The following DPP8 variants were observed in gnomAD, a reference collection of about 807,000 sequenced individuals.
DPP8 encodes dipeptidyl peptidase 8, also known as DPP VIII.
DPP8 carries 31 observed loss-of-function variants against 107.5 expected under a neutral mutation model. That is an observed-to-expected ratio of 0.29 (90% CI 0.22 to 0.39). The LOEUF (loss-of-function observed/expected upper bound fraction) is 0.39. DPP8 is among the 10% of genes least tolerant of loss of function. The pLI, the probability that DPP8 is intolerant of heterozygous loss-of-function variation, is 1.00. For missense variants in DPP8, 842 were observed against 1,076.1 expected (o/e 0.78, Z 3.04); for synonymous variants, 381 against 356.6 (o/e 1.07, Z -0.77).
intron 16 of DPP8, among the ~76,000 whole-genome samples, chr15:65,455,189 G>A (rs2064309151): frequency 6.6e-6 from 1 of 152,162 alleles, no homozygotes; most frequent in Admixed American, 6.5e-5. Context: ...TTGGAGTGCA[G>A]TAGTGTGACC....
At chr15:65,513,514 G>C (rs1382750451) in intron 1 of DPP8, among the ~76,000 whole-genome samples, 1 of 152,146 alleles carries the variant, frequency 6.6e-6, no homozygotes, top group South Asian at 2.1e-4. Flanking sequence ...GCCCAGCGTG[G>C]TGACTCTGTA....
intron 15 of DPP8, among the ~76,000 whole-genome samples, chr15:65,457,459 G>A (rs1244347671): frequency 6.6e-6 from 1 of 151,960 alleles, no homozygotes; most frequent in Admixed American, 6.6e-5. Context: ...CAAATTCCTG[G>A]GCTCAAGTGA....
In DPP8 at chr15:65,496,588, A is replaced by T. The variant is rs548466265; in HGVS notation, c.715+1276T>A. 1.5e-3 allele frequency among the ~76,000 whole-genome samples: 227 copies of T among 152,320 alleles called. 2 individuals carry two copies. Among genetic ancestry groups the T allele is most frequent in the African/African-American group, 5.3e-3 (222 of 41,580 alleles). On this transcript the variant is annotated intron_variant, in intron 5 of 19. Transcript: ENST00000300141. ...TTAATTAAATATTCCCACAATATAC[A>T]TAGTTCTACAAAGTTCTATTTTTTC...
At chr15:65,499,148 A>C (rs1368632272) in intron 4 of DPP8, among the ~76,000 whole-genome samples, 2 of 151,046 alleles carry the variant, frequency 1.3e-5, no homozygotes, top group Non-Finnish European at 2.9e-5. Flanking sequence ...CAAGGGAAAC[A>C]AAAAATTGTC....
intron 5 of DPP8, among the ~76,000 whole-genome samples, chr15:65,490,703 T>C (rs2067943366): frequency 6.6e-6 from 1 of 152,202 alleles, no homozygotes; most frequent in African/African-American, 2.4e-5. Context: ...CAGAGAAGTA[T>C]ATTTTAGACC....
rs907623142 is a variant in DPP8 at position 65,444,983 on chromosome 15, A to C, written c.*1901T>G. 2.0e-5 allele frequency: 3 copies of C among 152,208 alleles called. No individual in the cohort carries two copies. The highest frequency in any genetic ancestry group is 4.4e-5 in the Non-Finnish European group (3 of 68,048). The allele number at this position is 152,208 out of a possible 1,614,324, so 9.4% of individuals were successfully genotyped here. A position where few individuals can be genotyped will look rare whatever the true frequency, so the allele number is the denominator to read the frequency against. On this transcript the variant is annotated 3_prime_UTR_variant, in exon 20 of 20. Transcript: ENST00000300141. ...GGAAGAAAGTTACCCAAATCAATTT[A>C]ATTTAACATTGAAAATATATATAAA... is the stretch of plus-strand genomic sequence containing the variant.
chr15:65,448,876 A>ATGTGTGTG (rs1270279189), intron 19 of DPP8, among the ~76,000 whole-genome samples: 22 of 30,512 alleles, frequency 7.2e-4, no homozygotes, highest in African/African-American at 3.5e-3. Context: ...ATATATATAT[A>ATGTGTGTG]TATATATATA....
chr15:65,513,654 T>C (rs1300981775), intron 1 of DPP8, among the ~76,000 whole-genome samples: 2 of 152,242 alleles, frequency 1.3e-5, no homozygotes, highest in African/African-American at 4.8e-5. Flanking sequence ...GCATTTAATA[T>C]TTGTACCAAC....
Position 65,446,795 on chromosome 15 carries a change from T to C in DPP8, c.*89A>G. On this transcript the variant is annotated 3_prime_UTR_variant, in exon 20 of 20. Transcript: ENST00000300141. ...ATGTTACATGGCAGGTATCAAAATGTGATGATCAATTCTGTGTTTTCTGTT... is the reference window on the plus strand; with the variant it reads ...ATGTTACATGGCAGGTATCAAAATGCGATGATCAATTCTGTGTTTTCTGTT... 2.3e-6 allele frequency: 3 copies of C among 1,330,676 alleles called. No individual in the cohort carries two copies. The highest frequency in any genetic ancestry group is 3.0e-6 in the Non-Finnish European group (3 of 985,198). 82.4% of individuals were successfully genotyped at this position (1,330,676 alleles called of 1,614,324 possible).
intron 19 of DPP8, among the ~76,000 whole-genome samples, chr15:65,448,559 C>T (rs970250144): frequency 6.7e-6 from 1 of 149,966 alleles, no homozygotes; most frequent in Non-Finnish European, 1.5e-5. Context: ...GTAGTCCCAG[C>T]TACTCGGGAG....
At chr15:65,482,542 T>C (rs2067025639) in intron 8 of DPP8, among the ~76,000 whole-genome samples, 1 of 152,150 alleles carries the variant, frequency 6.6e-6, no homozygotes, top group Non-Finnish European at 1.5e-5. Context: ...TGCCAAATAG[T>C]TGGGATTACA....
Position 65,480,295 on chromosome 15 carries a change from C to G in DPP8, c.1223G>C (p.Arg408Thr), listed in dbSNP as rs1490821848. ...PVEDDVMERQ[R>T]LIESVPDSVT... Reference sequence around the variant, plus strand: ...AGAATCAGGCACTGACTCAATGAGTCTCTGCCTTTCCATAACATCATCTTC... The same window carrying G: ...AGAATCAGGCACTGACTCAATGAGTGTCTGCCTTTCCATAACATCATCTTC... The change falls in exon 10 of 20, where the codon AGA becomes ACA. Residue 408 changes from arginine (R) to threonine (T), a missense_variant. Coordinates refer to ENST00000300141, the MANE Select transcript of DPP8 (RefSeq NM_130434.5). 3 of 1,613,796 alleles carry G rather than the reference C, an allele frequency of 1.9e-6. No homozygotes were observed. The Admixed American group carries it at 5.0e-5, about 27-fold the overall frequency.
rs1567231104 is a variant in DPP8, at chr15:65,487,907, A to G, written c.827-89T>C. The G allele has an allele frequency of 6.9e-6, 6 of 863,550 alleles. No individual in the cohort carries two copies. In the East Asian group the frequency reaches 1.5e-4, roughly 22 times the overall value. 53.5% of individuals were successfully genotyped at this position (863,550 alleles called of 1,614,324 possible). On this transcript the variant is annotated intron_variant, in intron 6 of 19. Transcript: ENST00000300141. ...CGTTCCTTCTAGTATCAGATTTCTT[A>G]TAGTGAAGAATAACTTATGTATAAA...
In DPP8 at chr15:65,456,105, T is replaced by C. The variant is rs1567143648; in HGVS notation, c.2118+120A>G. 4 of 1,051,280 alleles carry C rather than the reference T, an allele frequency of 3.8e-6. No homozygotes were observed. The African/African-American group carries it at 9.1e-5, about 24-fold the overall frequency. 65.1% of individuals were successfully genotyped at this position (1,051,280 alleles called of 1,614,324 possible). On this transcript the variant is annotated intron_variant, in intron 16 of 19. Coordinates refer to ENST00000300141, the MANE Select transcript of DPP8 (RefSeq NM_130434.5). ...TCTCCCACCCCCAAACTCTAACACA[T>C]ACACTCTCACTCACTCATTCATAGC...
rs1393989367 is a variant in DPP8, at chr15:65,445,855, T to C, written c.*1029A>G. On this transcript the variant is annotated 3_prime_UTR_variant, in exon 20 of 20. Coordinates refer to ENST00000300141, the MANE Select transcript of DPP8 (RefSeq NM_130434.5). ...AAATTTCAGTTTCCAAACATTTTCA[T>C]GAGTATTTTTGTTAAAACTACTTCT... 6.6e-6 allele frequency: 1 copy of C among 152,180 alleles called. No homozygotes were observed. Among genetic ancestry groups the C allele is most frequent in the Non-Finnish European group, 1.5e-5 (1 of 68,026 alleles). 9.4% of individuals were successfully genotyped at this position (152,180 alleles called of 1,614,324 possible).
intron 5 of DPP8, among the ~76,000 whole-genome samples, chr15:65,493,080 C>T (rs1029048823): frequency 1.3e-5 from 2 of 151,548 alleles, no homozygotes; most frequent in African/African-American, 4.9e-5. Flanking sequence ...TTTCTGTTTT[C>T]TTTCTTTCTC....
intron 19 of DPP8, among the ~76,000 whole-genome samples, chr15:65,447,752 T>C (rs540548212): frequency 6.6e-6 from 1 of 152,308 alleles, no homozygotes; most frequent in East Asian, 1.9e-4. Flanking sequence ...TGAAGTGAGC[T>C]GGTCACTTCA....
chr15:65,494,642 AAT>A (rs1017758268), intron 5 of DPP8, among the ~76,000 whole-genome samples: 1 of 62,730 alleles, frequency 1.6e-5, no homozygotes, highest in African/African-American at 5.4e-5. Context: ...GTCTCAAAAA[AAT>A]TGAAAAAAAA....
intron 15 of DPP8, among the ~76,000 whole-genome samples, chr15:65,461,410 C>T (rs532671004): frequency 6.6e-6 from 1 of 152,204 alleles, no homozygotes; most frequent in Admixed American, 6.6e-5. Context: ...GCTGAGATTA[C>T]AGTTATGAGC....
Sources: gnomAD v4.1 joint callset for allele counts (sites outside exome capture counted in the v4.1 genomes callset) on GRCh38, gnomAD v4.1.1 for gene constraint, MANE v1.5 for transcripts, NCBI Gene and HGNC (gene_info 2026-07-23, HGNC 2026-07-21) for gene names.